Variants in ZNF521 observed in about 807,000 individuals in gnomAD.
ZNF521 encodes zinc finger protein 521, also known as LYST-interacting protein 3.
A neutral mutation model predicts 105.5 loss-of-function variants in ZNF521; 14 were observed. The observed-to-expected ratio is 0.13, with a 90% CI of 0.09 to 0.21. ZNF521 has a LOEUF of 0.21. ZNF521 is among the 10% of genes least tolerant of loss of function. ZNF521 has a pLI of 1.00. For synonymous variants in ZNF521, 635 were observed against 606.0 expected, an observed-to-expected ratio of 1.05 and a Z score of -0.70; for missense variants, 1,233 against 1,629.7, an observed-to-expected ratio of 0.76 and a Z score of 4.19.
intron 2 of ZNF521, chr18:25,327,360 TTAAC>T: frequency 1.0e-6 from 1 of 953,130 alleles, no homozygotes; most frequent in Non-Finnish European, 1.3e-6. Context: ...CTAAACGTAA[TTAAC>T]TGTCTAATGA....
intron 5 of ZNF521, among the ~76,000 whole-genome samples, chr18:25,115,671 G>T (rs958012683): frequency 1.3e-5 from 2 of 152,174 alleles, no homozygotes; most frequent in African/African-American, 2.4e-5. Context: ...TGAAGCAGTT[G>T]TGTTCTGTGT....
At chr18:25,109,136 A>C (rs1205195586) in intron 5 of ZNF521, among the ~76,000 whole-genome samples, 1 of 150,674 alleles carries the variant, frequency 6.6e-6, no homozygotes, top group African/African-American at 2.4e-5. Context: ...TGGAGTTCCC[A>C]GTTTCTATTA....
intron 5 of ZNF521, among the ~76,000 whole-genome samples, chr18:25,113,793 C>CACACACACACACAG (rs1053377440): frequency 1.3e-3 from 193 of 147,896 alleles, no homozygotes; most frequent in African/African-American, 4.7e-3. Context: ...CACACACACA[C>CACACACACACACAG]AGAGACGGGG....
intron 4 of ZNF521, among the ~76,000 whole-genome samples, chr18:25,204,910 TA>T (rs1417339378): frequency 1.3e-5 from 2 of 152,110 alleles, no homozygotes; most frequent in Non-Finnish European, 2.9e-5. Flanking sequence ...TCTACCTGAA[TA>T]AAATCTCCCA....
intron 2 of ZNF521, among the ~76,000 whole-genome samples, chr18:25,338,583 T>C (rs1019502354): frequency 3.0e-4 from 45 of 152,194 alleles, no homozygotes; most frequent in Admixed American, 1.6e-3. Flanking sequence ...AACTAATTTC[T>C]TATATTTTGG....
intron 5 of ZNF521, among the ~76,000 whole-genome samples, chr18:25,174,110 G>T (rs2035494829): frequency 6.6e-6 from 1 of 151,728 alleles, no homozygotes. Context: ...CACTATTATT[G>T]CATCGATCAA....
chr18:25,250,093 C>A (rs1908008695), intron 3 of ZNF521, among the ~76,000 whole-genome samples: 1 of 152,158 alleles, frequency 6.6e-6, no homozygotes, highest in Non-Finnish European at 1.5e-5. Context: ...TGCCCGCCAC[C>A]ACTCCCGGCT....
chr18:25,301,241 C>A (rs1051260839), intron 3 of ZNF521, among the ~76,000 whole-genome samples: 3 of 152,088 alleles, frequency 2.0e-5, no homozygotes, highest in Non-Finnish European at 4.4e-5. Flanking sequence ...GACAAGGACT[C>A]GGACCATGCA....
At chr18:25,194,378 TTAAC>T (rs1361479038) in intron 5 of ZNF521, among the ~76,000 whole-genome samples, 2 of 151,782 alleles carry the variant, frequency 1.3e-5, no homozygotes, top group Non-Finnish European at 3.0e-5. Context: ...TTGATAAAGT[TTAAC>T]TGGCTGGTAA....
At chr18:25,086,525 A>G (rs1238467797) in intron 7 of ZNF521, among the ~76,000 whole-genome samples, 1 of 152,172 alleles carries the variant, frequency 6.6e-6, no homozygotes. Context: ...GATTTCAGAA[A>G]CTAGACCCAC....
At chr18:25,212,525 AAAAAAAAAAAAAAAT>A (rs1485451782) in intron 4 of ZNF521, among the ~76,000 whole-genome samples, 6 of 115,754 alleles carry the variant, frequency 5.2e-5, no homozygotes, top group Non-Finnish European at 1.0e-4. Context: ...AAAAAAAAAA[AAAAAAAAAAAAAAAT>A]ATATATATAT....
rs189680580 is a variant in ZNF521, at chr18:25,104,494, T to C, written c.3659-12413A>G. Among the ~76,000 whole-genome samples the C allele has an allele frequency of 5.6e-3, 854 of 152,332 alleles. 3 individuals carry two copies. The highest frequency in any genetic ancestry group is 9.1e-3 in the Non-Finnish European group (618 of 68,026). ...AAGCAAGTCATATTTAGCTCACTTA[T>C]TGGTTTCATTCTTGGTAAAGAAATC... On this transcript the variant is annotated intron_variant, in intron 5 of 7. Transcript: ENST00000361524.
chr18:25,289,308 T>A (rs1187441444), intron 3 of ZNF521, among the ~76,000 whole-genome samples: 1 of 152,228 alleles, frequency 6.6e-6, no homozygotes, highest in African/African-American at 2.4e-5. Context: ...TAAACATTAT[T>A]TTCTTTTAAA....
intron 5 of ZNF521, among the ~76,000 whole-genome samples, chr18:25,192,854 C>T (rs1259250311): frequency 1.3e-5 from 2 of 152,034 alleles, no homozygotes; most frequent in African/African-American, 2.4e-5. Context: ...TTGGTTTTTG[C>T]ATTCTCTCTA....
intron 5 of ZNF521, among the ~76,000 whole-genome samples, chr18:25,128,757 G>T (rs1473005643): frequency 6.6e-6 from 1 of 151,766 alleles, no homozygotes; most frequent in Admixed American, 6.6e-5. Flanking sequence ...TATGTACAAG[G>T]TCTATATGAG....
chr18:25,166,447 A>G (rs530018776), intron 5 of ZNF521, among the ~76,000 whole-genome samples: 1 of 152,300 alleles, frequency 6.6e-6, no homozygotes, highest in African/African-American at 2.4e-5. Flanking sequence ...TCATTTTGCC[A>G]TAGGATATAT....
chr18:25,313,381 AC>A (rs925613727), intron 3 of ZNF521, among the ~76,000 whole-genome samples: 3 of 152,176 alleles, frequency 2.0e-5, no homozygotes, highest in African/African-American at 7.2e-5. Context: ...CAAGTAATCA[AC>A]AAGAAAACAG....
At chr18:25,081,059 G>A (rs4073749) in intron 7 of ZNF521, among the ~76,000 whole-genome samples, 2,530 of 144,788 alleles carry the variant, frequency 0.017, 82 homozygotes, top group African/African-American at 0.06. Flanking sequence ...CTGTCTTGGC[G>A]ACATGGAAGA....
At chr18:25,351,892 AGCGGCGGCAGCGGCGGCGGCAGCG>A (rs1218267812) in intron 1 of ZNF521, 89 bp downstream of exon 1, 6 of 275,646 alleles carry the variant, frequency 2.2e-5, no homozygotes, top group African/African-American at 4.8e-5. Context: ...CGGCGGCAGC[AGCGGCGGCAGCGGCGGCGGCAGCG>A]GCGGCGAGAG....
Sources: gnomAD v4.1 joint callset for allele counts (sites outside exome capture counted in the v4.1 genomes callset) on GRCh38, gnomAD v4.1.1 for gene constraint, MANE v1.5 for transcripts, NCBI Gene and HGNC (gene_info 2026-07-23, HGNC 2026-07-21) for gene names.